ZNF782: variants seen among roughly 807,000 people sequenced by gnomAD.
The protein encoded by ZNF782 is zinc finger protein 782.
Under a neutral mutation model 13.0 loss-of-function variants are expected in ZNF782, and 12 were observed. The observed-to-expected ratio is 0.92, with a 90% CI of 0.59 to 1.50. ZNF782 has a LOEUF of 1.50. ZNF782 is among the 40% of genes most tolerant of loss of function. The pLI, the probability that ZNF782 is intolerant of heterozygous loss-of-function variation, is 0.00. For missense variants in ZNF782, 770 were observed against 822.9 expected (o/e 0.94, Z 0.79); for synonymous variants, 284 against 283.0 (o/e 1.00, Z -0.04).
At chr9:96,829,534 T>G (rs1291001440) in intron 4 of ZNF782, among the ~76,000 whole-genome samples, 1 of 152,118 alleles carries the variant, frequency 6.6e-6, no homozygotes, top group Non-Finnish European at 1.5e-5. Flanking sequence ...ACAGTAAAAC[T>G]CCTTTCTCAA....
At chr9:96,835,966 A>T (rs1200362387) in intron 4 of ZNF782, among the ~76,000 whole-genome samples, 1 of 152,120 alleles carries the variant, frequency 6.6e-6, no homozygotes, top group Non-Finnish European at 1.5e-5. Flanking sequence ...GTAGCATGCA[A>T]TCTCAGTCTT....
the ZNF782 span, among the ~76,000 whole-genome samples, chr9:96,911,290 T>A: frequency 7.1e-6 from 1 of 141,766 alleles, no homozygotes; most frequent in Non-Finnish European, 1.5e-5. Context: ...ATACAAAAAA[T>A]TAGCTGGGCG....
chr9:96,870,564 C>T (rs1294392464), intron 1 of ZNF782, among the ~76,000 whole-genome samples: 1 of 152,236 alleles, frequency 6.6e-6, no homozygotes, highest in Admixed American at 6.5e-5. Context: ...CACTCTTACA[C>T]TCTTCTGTCC....
intron 5 of ZNF782, among the ~76,000 whole-genome samples, chr9:96,824,744 A>C (rs1441753050): frequency 2.7e-5 from 4 of 146,780 alleles, no homozygotes; most frequent in African/African-American, 5.1e-5. Context: ...AATCACAAGC[A>C]TTCTTATACA....
At chr9:96,868,385 G>A (rs184956960) in intron 1 of ZNF782, among the ~76,000 whole-genome samples, 5 of 152,294 alleles carry the variant, frequency 3.3e-5, no homozygotes, top group Admixed American at 6.5e-5. Context: ...CAAATATCAC[G>A]TAAATGAAGG....
the ZNF782 span, among the ~76,000 whole-genome samples, chr9:96,930,353 G>A: frequency 2.6e-5 from 4 of 152,084 alleles, no homozygotes; most frequent in African/African-American, 4.8e-5. Flanking sequence ...GTGAAACCCC[G>A]TCTCTACTAA....
chr9:96,860,876 T>C (rs1851695237), intron 2 of ZNF782, among the ~76,000 whole-genome samples: 1 of 152,238 alleles, frequency 6.6e-6, no homozygotes, highest in South Asian at 2.1e-4. Context: ...CTGGGAAAAC[T>C]GGATATCCAT....
the ZNF782 span, among the ~76,000 whole-genome samples, chr9:96,913,484 T>C: frequency 6.6e-6 from 1 of 151,844 alleles, no homozygotes; most frequent in Non-Finnish European, 1.5e-5. Context: ...CTTCCTAGCT[T>C]GACAAATGCG....
At chr9:96,858,029 CCA>C (rs1484803623), upstream of ZNF782, among the ~76,000 whole-genome samples, 2 of 152,156 alleles carry the variant, frequency 1.3e-5, no homozygotes, top group African/African-American at 2.4e-5. This position sits in a 1 kb window ranked among gnomAD's most constrained non-coding sequence, Gnocchi z 4.4. Context: ...TCTGCAAGTT[CCA>C]GTCTCTCTTT....
intron 1 of ZNF782, among the ~76,000 whole-genome samples, chr9:96,864,887 A>AAT (rs1467291437): frequency 2.0e-5 from 3 of 151,228 alleles, no homozygotes; most frequent in African/African-American, 7.3e-5. Flanking sequence ...TAAAAAAAAA[A>AAT]AAAAAAAAAA....
At chr9:96,911,048 A>G in the ZNF782 span, among the ~76,000 whole-genome samples, 1 of 148,436 alleles carries the variant, frequency 6.7e-6, no homozygotes, top group Admixed American at 6.8e-5. Context: ...ATCTCGGATG[A>G]CCAAACCAGC....
At chr9:96,872,087 A>T (rs1302956873) in intron 1 of ZNF782, among the ~76,000 whole-genome samples, 1 of 152,196 alleles carries the variant, frequency 6.6e-6, no homozygotes, top group Non-Finnish European at 1.5e-5. Flanking sequence ...TAGGAACCTT[A>T]CCTCCTAAAA....
At chr9:96,893,868 C>G in the ZNF782 span, 1 of 143,708 alleles carries the variant, frequency 7.0e-6, no homozygotes, top group Non-Finnish European at 1.5e-5. Flanking sequence ...GGAGCGGTGG[C>G]GGGCGCCTGT....
chr9:96,820,809 C>A (rs1281177810), intron 5 of ZNF782, among the ~76,000 whole-genome samples: 1 of 152,152 alleles, frequency 6.6e-6, no homozygotes, highest in Non-Finnish European at 1.5e-5. Context: ...CTTGGCCTCC[C>A]AAAGTGCTAG....
At chr9:96,878,150 G>A (rs1244675870), upstream of ZNF782, among the ~76,000 whole-genome samples, 1 of 152,222 alleles carries the variant, frequency 6.6e-6, no homozygotes, top group East Asian at 1.9e-4. Flanking sequence ...CCGGGTTCAA[G>A]AGATTCTCCT....
intron 4 of ZNF782, among the ~76,000 whole-genome samples, chr9:96,829,194 T>C (rs1439333158): frequency 1.3e-5 from 2 of 151,270 alleles, no homozygotes; most frequent in Non-Finnish European, 2.9e-5. Flanking sequence ...AAATTTCTGA[T>C]TTATATAAAA....
intron 3 of ZNF782, 92 bp downstream of exon 3, chr9:96,851,855 A>T: frequency 8.1e-7 from 1 of 1,235,888 alleles, no homozygotes; most frequent in Non-Finnish European, 1.2e-6. Flanking sequence ...AGATTTACTT[A>T]TCTATTTCTC....
At chr9:96,861,483 T>G (rs965487972) in intron 2 of ZNF782, 1 of 153,960 alleles carries the variant, frequency 6.5e-6, no homozygotes, top group Non-Finnish European at 1.5e-5. Context: ...TGGGGGCATG[T>G]GCCTGTAGTT....
In ZNF782 at chr9:96,832,780, A is replaced by G. The variant is rs147250449; in HGVS notation, c.143-5599T>C. ...ATCTTTAGTTGTCAGAAGTTTCATA[A>G]TTATGCTTCTTGGCATGAATTCCTT... On this transcript the variant is annotated intron_variant, in intron 4 of 5. Transcript: ENST00000481138. Among the ~76,000 whole-genome samples, 5 of 152,282 alleles carry G rather than the reference A, an allele frequency of 3.3e-5. 1 individual carries two copies. Among genetic ancestry groups the G allele is most frequent in the African/African-American group, 1.2e-4 (5 of 41,556 alleles).
Sources: allele counts gnomAD v4.1 joint callset (sites outside exome capture counted in the v4.1 genomes callset), GRCh38; gene constraint gnomAD v4.1.1; non-coding constraint Gnocchi (gnomAD v3.1); transcripts MANE v1.5; gene names NCBI Gene and HGNC (gene_info 2026-07-23, HGNC 2026-07-21).